Variants in COL10A1 observed in about 807,000 individuals in gnomAD.
COL10A1 encodes the protein collagen alpha-1(X) chain.
COL10A1 carries 10 observed loss-of-function variants against 18.2 expected under a neutral mutation model. The observed-to-expected ratio is 0.55, with a 90% CI of 0.34 to 0.93. COL10A1 has a LOEUF of 0.93. Among genes scored for constraint, COL10A1 ranks in the 40% least tolerant of loss-of-function variants. The probability of loss-of-function intolerance (pLI) is 0.02; values close to 1 mark genes in which losing one functional copy is unlikely to be tolerated. For synonymous variants in COL10A1, 330 were observed against 316.6 expected, an observed-to-expected ratio of 1.04 and a Z score of -0.45; for missense variants, 897 against 853.5, an observed-to-expected ratio of 1.05 and a Z score of -0.64.
the COL10A1 span, among the ~76,000 whole-genome samples, chr6:116,216,105 T>C: frequency 1.3e-5 from 2 of 152,270 alleles, no homozygotes; most frequent in African/African-American, 4.8e-5. Flanking sequence ...TTAATTGGTA[T>C]AGTGTAAGAG....
the COL10A1 span, among the ~76,000 whole-genome samples, chr6:116,204,612 A>G: frequency 2.5e-4 from 38 of 152,130 alleles, 1 homozygote; most frequent in African/African-American, 9.1e-4. Context: ...GCCGTTTAAC[A>G]TTTATAAGCC....
chr6:116,143,905 C>G (rs1288449766), intron 1 of COL10A1, among the ~76,000 whole-genome samples: 1 of 152,062 alleles, frequency 6.6e-6, no homozygotes, highest in Non-Finnish European at 1.5e-5. Flanking sequence ...TAATCTGTAA[C>G]AATTACCAAA....
the COL10A1 span, among the ~76,000 whole-genome samples, chr6:116,166,170 C>T: frequency 3.3e-5 from 5 of 152,084 alleles, no homozygotes; most frequent in Non-Finnish European, 7.4e-5. Context: ...TCAATCTCTG[C>T]GAGACTCTTG....
At chr6:116,152,645 A>G (rs780669024) in intron 1 of COL10A1, among the ~76,000 whole-genome samples, 2 of 152,158 alleles carry the variant, frequency 1.3e-5, no homozygotes, top group South Asian at 2.1e-4. Context: ...TTTGAATGCT[A>G]TAAAACAAAA....
chr6:116,191,551 T>C, the COL10A1 span, among the ~76,000 whole-genome samples: 1 of 152,084 alleles, frequency 6.6e-6, no homozygotes, highest in Non-Finnish European at 1.5e-5. Context: ...TTTTATGTAA[T>C]AAATTATACC....
the COL10A1 span, among the ~76,000 whole-genome samples, chr6:116,207,356 C>G: frequency 1.1e-5 from 1 of 90,710 alleles, no homozygotes; most frequent in African/African-American, 4.8e-5. Context: ...TTAATGTATT[C>G]TAAAGAGAGA....
the COL10A1 span, among the ~76,000 whole-genome samples, chr6:116,197,991 CCCAGGGCA>C: frequency 6.6e-6 from 1 of 152,012 alleles, no homozygotes; most frequent in Non-Finnish European, 1.5e-5. Flanking sequence ...AATTTATGGC[CCCAGGGCA>C]CCTAGCTTTG....
chr6:116,214,285 CATAT>C, the COL10A1 span, among the ~76,000 whole-genome samples: 5 of 152,000 alleles, frequency 3.3e-5, no homozygotes, highest in Non-Finnish European at 7.4e-5. Flanking sequence ...TCTTTATTCT[CATAT>C]ATATCCTTCT....
upstream of COL10A1, among the ~76,000 whole-genome samples, chr6:116,129,145 A>G (rs1177418796): frequency 2.0e-5 from 3 of 152,140 alleles, no homozygotes; most frequent in Non-Finnish European, 2.9e-5. Flanking sequence ...AAACAATGTC[A>G]TCATCGTATT....
chr6:116,186,317 A>G, the COL10A1 span, among the ~76,000 whole-genome samples: 3 of 143,696 alleles, frequency 2.1e-5, no homozygotes, highest in African/African-American at 5.2e-5. Context: ...TTTTTTTTTC[A>G]TCTTCACTTT....
At chr6:116,205,805 G>A in the COL10A1 span, among the ~76,000 whole-genome samples, 1 of 151,944 alleles carries the variant, frequency 6.6e-6, no homozygotes, top group African/African-American at 2.4e-5. Flanking sequence ...ATGACAGTAA[G>A]GAATGTGTAA....
At chr6:116,133,452 A>G (rs1359987935) in intron 1 of COL10A1, among the ~76,000 whole-genome samples, 1 of 152,214 alleles carries the variant, frequency 6.6e-6, no homozygotes, top group African/African-American at 2.4e-5. Context: ...CACAGTCACC[A>G]TCTATAGTGT....
chr6:116,140,994 T>C (rs937114519), intron 1 of COL10A1, among the ~76,000 whole-genome samples: 8 of 152,170 alleles, frequency 5.3e-5, no homozygotes, highest in Admixed American at 1.3e-4. Context: ...GTATATTAAC[T>C]ATGTATATTT....
chr6:116,165,801 G>A, the COL10A1 span, among the ~76,000 whole-genome samples: 1 of 152,220 alleles, frequency 6.6e-6, no homozygotes, highest in East Asian at 1.9e-4. Flanking sequence ...GGACCTGCTG[G>A]TCCCCTGTGG....
At chr6:116,133,783 C>T (rs1779523957) in intron 1 of COL10A1, among the ~76,000 whole-genome samples, 1 of 152,148 alleles carries the variant, frequency 6.6e-6, no homozygotes, top group African/African-American at 2.4e-5. Flanking sequence ...TAATGCTGAC[C>T]AGATCACCTG....
intron 2 of COL10A1, 131 bp from the exon 3 acceptor site, chr6:116,122,092 T>G: frequency 1.1e-6 from 1 of 889,860 alleles, no homozygotes; most frequent in Non-Finnish European, 1.9e-6. Context: ...GACAGAACAG[T>G]CTGAAATGGT....
chr6:116,182,222 A>AGAGAGAGAGTGTGT, the COL10A1 span, among the ~76,000 whole-genome samples: 4 of 124,606 alleles, frequency 3.2e-5, no homozygotes, highest in South Asian at 2.8e-4. Flanking sequence ...TTCCATGGAG[A>AGAGAGAGAGTGTGT]GTGTGTGTGT....
intron 1 of COL10A1, among the ~76,000 whole-genome samples, chr6:116,138,380 G>T (rs1779675230): frequency 6.6e-6 from 1 of 152,126 alleles, no homozygotes; most frequent in African/African-American, 2.4e-5. Context: ...TACTGTGTTG[G>T]CTATTCCTTG....
At chr6:116,174,689 C>T in the COL10A1 span, among the ~76,000 whole-genome samples, 1 of 152,234 alleles carries the variant, frequency 6.6e-6, no homozygotes, top group African/African-American at 2.4e-5. Context: ...TATACAGGTA[C>T]TTGTTTTCTC....
Sources: gnomAD v4.1 joint callset for allele counts (sites outside exome capture counted in the v4.1 genomes callset) on GRCh38, gnomAD v4.1.1 for gene constraint, MANE v1.5 for transcripts, NCBI Gene and HGNC (gene_info 2026-07-23, HGNC 2026-07-21) for gene names.